SHROOM2: variants seen among roughly 807,000 people sequenced by gnomAD.
The protein encoded by SHROOM2 is protein Shroom2.
Under a neutral mutation model 75.9 loss-of-function variants are expected in SHROOM2, and 33 were observed. The observed-to-expected ratio is 0.43, with a 90% CI of 0.33 to 0.58. The LOEUF (loss-of-function observed/expected upper bound fraction) is 0.58, where lower values mean the gene tolerates loss of function less well. SHROOM2 is among the 20% of genes least tolerant of loss of function. SHROOM2 has a pLI of 0.04. For synonymous variants in SHROOM2, 655 were observed against 663.6 expected (o/e 0.99, Z 0.20); for missense variants, 1,434 against 1,461.2 (o/e 0.98, Z 0.30).
chrX:9,839,490 A>G lies in SHROOM2; in HGVS notation c.166-34162A>G, dbSNP rs147184073. ...GATGAGCAAACCACACACCCGAAAC[A>G]TCACACATGCGCCCCCTTGCCATCT... On this transcript the variant is annotated intron_variant, in intron 1 of 9. Coordinates refer to ENST00000380913, the MANE Select transcript of SHROOM2 (RefSeq NM_001649.4). Among the ~76,000 whole-genome samples the G allele has an allele frequency of 2.7e-5, 3 of 111,283 alleles. No homozygotes were observed. The East Asian group carries it at 8.5e-4, about 32-fold the overall frequency.
chrX:9,895,150 C>T lies in SHROOM2; in HGVS notation c.1242C>T (p.Ser414=). 3 of 1,211,678 alleles carry T rather than the reference C, an allele frequency of 2.5e-6. No homozygotes were observed. The highest frequency in any genetic ancestry group is 2.2e-6 in the Non-Finnish European group (2 of 895,544). The change falls in exon 4 of 10, where the codon AGC becomes AGT. Residue 414 remains serine (S), a synonymous_variant. Coordinates refer to ENST00000380913, the MANE Select transcript of SHROOM2 (RefSeq NM_001649.4). ...ASSRLQASLS[S]SDVRFPQSPH... ...GTAGGCTGCAGGCCTCTCTGTCCAG[C>T]TCAGATGTGCGCTTCCCTCAGTCTC...
At chrX:9,839,040 C>T (rs1468279743) in intron 1 of SHROOM2, among the ~76,000 whole-genome samples, 1 of 111,049 alleles carries the variant, frequency 9.0e-6, no homozygotes, top group African/African-American at 3.3e-5. Flanking sequence ...AGAAACCAAG[C>T]AAGAGAGCTG....
At chrX:9,821,271 C>G (rs1027715536) in intron 1 of SHROOM2, among the ~76,000 whole-genome samples, 1 of 112,144 alleles carries the variant, frequency 8.9e-6, no homozygotes, top group Admixed American at 9.5e-5. Flanking sequence ...TGCTGGGACC[C>G]AGGGACCTGA....
intron 1 of SHROOM2, among the ~76,000 whole-genome samples, chrX:9,868,193 A>G (rs2084150794): frequency 9.2e-6 from 1 of 108,762 alleles, no homozygotes; most frequent in Non-Finnish European, 1.9e-5. Context: ...TGTGGAGAGA[A>G]GGACACAACT....
chrX:9,941,773 C>A (rs1431162988), intron 8 of SHROOM2, among the ~76,000 whole-genome samples: 1 of 109,033 alleles, frequency 9.2e-6, no homozygotes, highest in Non-Finnish European at 1.9e-5. Context: ...AGATCGAGGC[C>A]ATCCTGGCTA....
intron 6 of SHROOM2, among the ~76,000 whole-genome samples, chrX:9,936,743 T>C (rs996538353): frequency 1.8e-5 from 2 of 112,092 alleles, no homozygotes; most frequent in Middle Eastern, 4.2e-3. Context: ...AAAATGCCCA[T>C]CCACTGCAGG....
At chrX:9,874,889 A>G (rs184566396) in intron 2 of SHROOM2, among the ~76,000 whole-genome samples, 29 of 107,236 alleles carry the variant, frequency 2.7e-4, no homozygotes, top group African/African-American at 8.7e-4. Flanking sequence ...AGCCTGGGCA[A>G]CATAGTGGGA....
intron 1 of SHROOM2, among the ~76,000 whole-genome samples, chrX:9,859,556 G>A (rs769491671): frequency 9.0e-6 from 1 of 111,591 alleles, no homozygotes; most frequent in South Asian, 3.8e-4. Flanking sequence ...GAGACGGTGG[G>A]GTTCAAGATG....
chrX:9,891,172 G>T (rs1193095910), intron 3 of SHROOM2, 64 bp downstream of exon 3: 2 of 1,102,632 alleles, frequency 1.8e-6, no homozygotes, highest in Non-Finnish European at 2.4e-6. Context: ...GCGCACTCCT[G>T]ACTGCAGAAT....
At chrX:9,914,878 T>C (rs1003517532) in intron 5 of SHROOM2, among the ~76,000 whole-genome samples, 3 of 111,873 alleles carry the variant, frequency 2.7e-5, no homozygotes, top group Admixed American at 9.5e-5. Flanking sequence ...TAAGGCTGAA[T>C]GTAGAACTGG....
At chrX:9,860,419 C>A (rs1183544956) in intron 1 of SHROOM2, among the ~76,000 whole-genome samples, 1 of 111,331 alleles carries the variant, frequency 9.0e-6, no homozygotes, top group Non-Finnish European at 1.9e-5. Context: ...TCTGTTTTCC[C>A]AGTCATGTCA....
chrX:9,786,495 G>C lies in SHROOM2; in HGVS notation c.-51G>C. Reference sequence around the variant, plus strand: ...AGCCTCCCTTGCGATCCCACGGCCGGGACTGCCCGGAGTGCATGGGCGCGG... The same window carrying C: ...AGCCTCCCTTGCGATCCCACGGCCGCGACTGCCCGGAGTGCATGGGCGCGG... On this transcript the variant is annotated 5_prime_UTR_variant, in exon 1 of 10. Transcript: ENST00000380913. The C allele has an allele frequency of 1.2e-6, 1 of 830,933 alleles. No homozygotes were observed. The highest frequency in any genetic ancestry group is 1.5e-6 in the Non-Finnish European group (1 of 682,686). The allele number at this position is 830,933 out of a possible 1,213,427, so 68.5% of individuals were successfully genotyped here. A position where few individuals can be genotyped will look rare whatever the true frequency, so the allele number is the denominator to read the frequency against.
intron 1 of SHROOM2, among the ~76,000 whole-genome samples, chrX:9,809,689 G>C (rs1010385992): frequency 2.7e-5 from 3 of 112,379 alleles, no homozygotes; most frequent in Non-Finnish European, 5.6e-5. Context: ...CTTTTTTTGA[G>C]ACAGAGTCTC....
intron 5 of SHROOM2, among the ~76,000 whole-genome samples, chrX:9,903,555 G>T (rs1483072692): frequency 9.0e-6 from 1 of 111,171 alleles, no homozygotes; most frequent in Non-Finnish European, 1.9e-5. Context: ...TTTTGATGTT[G>T]TTTTTTGAGA....
chrX:9,907,886 G>A (rs757528217), intron 5 of SHROOM2, among the ~76,000 whole-genome samples: 1 of 111,707 alleles, frequency 9.0e-6, no homozygotes, highest in Non-Finnish European at 1.9e-5. Context: ...GCAACAGATC[G>A]GATGGCTCCT....
chrX:9,946,885 A>T lies in SHROOM2; in HGVS notation c.4799A>T (p.Glu1600Val). Reference sequence around the variant, plus strand: ...CTGGAAGATAAAATCCACCTTGGTGAAGAGCAGCTGAAGTGCTTATTGGAC... The same window carrying T: ...CTGGAAGATAAAATCCACCTTGGTGTAGAGCAGCTGAAGTGCTTATTGGAC... Reference protein sequence around the residue: ...RELEDKIHLGEEQLKCLLDSL... With the variant: ...RELEDKIHLGVEQLKCLLDSL... Residue 1600 changes from glutamate (E) to valine (V), a missense_variant, in exon 10 of 10, where the codon GAA (glutamate) becomes GTA (valine). By Grantham distance (121) the Glu-to-Val change is moderately radical. Around this residue, in one of 3 missense-constraint regions of SHROOM2, gnomAD observed 80 missense variants for 88.4 expected, o/e 0.90. Transcript: ENST00000380913. 8.4e-7 allele frequency: 1 copy of T among 1,197,346 alleles called. No homozygotes were observed. Among genetic ancestry groups the T allele is most frequent in the Non-Finnish European group, 1.1e-6 (1 of 887,780 alleles).
At chrX:9,841,038 C>G (rs1014936590) in intron 1 of SHROOM2, among the ~76,000 whole-genome samples, 6 of 111,802 alleles carry the variant, frequency 5.4e-5, no homozygotes, top group African/African-American at 2.0e-4. Flanking sequence ...TCACTGCAAC[C>G]TCCACGTCCT....
chrX:9,905,092 T>C (rs907910475), intron 5 of SHROOM2, among the ~76,000 whole-genome samples: 1 of 112,197 alleles, frequency 8.9e-6, no homozygotes, highest in African/African-American at 3.2e-5. Context: ...TGGCCTCAAG[T>C]GATCCTCTTG....
At chrX:9,821,376 G>A (rs776699778) in intron 1 of SHROOM2, among the ~76,000 whole-genome samples, 2 of 111,637 alleles carry the variant, frequency 1.8e-5, no homozygotes, top group South Asian at 7.5e-4. Context: ...ACGTGGGGGA[G>A]GCGTCAGGGA....
Sources: gnomAD v4.1 joint callset for allele counts (sites outside exome capture counted in the v4.1 genomes callset) on GRCh38, gnomAD v4.1.1 for gene constraint, gnomAD v4.1.1 regional missense constraint, MANE v1.5 for transcripts, NCBI Gene and HGNC (gene_info 2026-07-23, HGNC 2026-07-21) for gene names.